The following CDH8 variants were observed in gnomAD, a reference collection of about 807,000 sequenced individuals.
CDH8 encodes the protein cadherin-8.
In CDH8, 17 loss-of-function variants were observed where a neutral mutation model predicts 68.1. The observed-to-expected ratio is 0.25, with a 90% CI of 0.17 to 0.37. The LOEUF (loss-of-function observed/expected upper bound fraction) is 0.37, where lower values mean the gene tolerates loss of function less well. Ranked by LOEUF, CDH8 falls within the 10% of genes least tolerant of loss-of-function variation. The pLI, the probability that CDH8 is intolerant of heterozygous loss-of-function variation, is 1.00. For synonymous variants in CDH8, 372 were observed against 365.1 expected (o/e 1.02, Z -0.21); for missense variants, 763 against 999.3 (o/e 0.76, Z 3.19).
Position 61,670,768 on chromosome 16 carries a change from T to C in CDH8, c.1655-15047A>G, listed in dbSNP as rs371744507. Reference sequence around the variant, plus strand: ...GCATTGAACCCTATATTTACTGTTTTTTTTTCTTTTATCTGATTACCTACA... The same window carrying C: ...GCATTGAACCCTATATTTACTGTTTCTTTTTCTTTTATCTGATTACCTACA... On this transcript the variant is annotated intron_variant, in intron 10 of 11. Coordinates refer to ENST00000577390, the MANE Select transcript of CDH8 (RefSeq NM_001796.5). Among the ~76,000 whole-genome samples the C allele has an allele frequency of 2.6e-3, 399 of 152,172 alleles. 3 individuals carry two copies. Among genetic ancestry groups the C allele is most frequent in the African/African-American group, 9.3e-3 (386 of 41,552 alleles).
chr16:61,666,200 G>T (rs1238169256), intron 10 of CDH8, among the ~76,000 whole-genome samples: 1 of 149,368 alleles, frequency 6.7e-6, no homozygotes, highest in African/African-American at 2.5e-5. Flanking sequence ...GTGTGTGTGT[G>T]TGTGTGTATA....
chr16:61,726,992 G>A (rs1294319467), intron 9 of CDH8, 102 bp downstream of exon 9: 9 of 1,229,272 alleles, frequency 7.3e-6, no homozygotes, highest in Non-Finnish European at 1.1e-5. Flanking sequence ...CTGAGACTTT[G>A]CAGATCATAA....
chr16:61,752,006 T>A (rs1596932423), intron 8 of CDH8, among the ~76,000 whole-genome samples: 1 of 152,276 alleles, frequency 6.6e-6, no homozygotes, highest in East Asian at 1.9e-4. Context: ...CTCCAGACAC[T>A]TTCCTAGATG....
At chr16:61,793,130 G>T (rs1375655929) in intron 7 of CDH8, among the ~76,000 whole-genome samples, 1 of 151,868 alleles carries the variant, frequency 6.6e-6, no homozygotes, top group Admixed American at 6.6e-5. Flanking sequence ...CCATTGTGAG[G>T]ACACAGTGAG....
chr16:61,959,548 G>C (rs1395511571), intron 2 of CDH8, among the ~76,000 whole-genome samples: 2 of 92,218 alleles, frequency 2.2e-5, no homozygotes, highest in Non-Finnish European at 2.2e-5. Flanking sequence ...CTCTCTGTGT[G>C]TGTGTGTGTG....
At chr16:61,749,414 C>T (rs973006796) in intron 8 of CDH8, among the ~76,000 whole-genome samples, 23 of 152,028 alleles carry the variant, frequency 1.5e-4, no homozygotes, top group African/African-American at 4.3e-4. Context: ...CCCAGGATTT[C>T]CTCTAGCAGT....
chr16:61,824,320 C>T (rs1962282533), intron 5 of CDH8, among the ~76,000 whole-genome samples: 1 of 151,860 alleles, frequency 6.6e-6, no homozygotes. Flanking sequence ...CTTGTTCCAA[C>T]TAATTGTTTT....
intron 2 of CDH8, among the ~76,000 whole-genome samples, chr16:61,954,173 C>G (rs1964945651): frequency 1.3e-5 from 2 of 151,794 alleles, no homozygotes. Flanking sequence ...CTTCCCATAT[C>G]TTGCTAAAAC....
intron 8 of CDH8, among the ~76,000 whole-genome samples, chr16:61,745,500 G>A (rs983857122): frequency 3.3e-5 from 5 of 150,922 alleles, no homozygotes; most frequent in Admixed American, 6.6e-5. Context: ...ATATACTTTC[G>A]CTTTACATAT....
chr16:61,876,343 A>G (rs1963459907), intron 3 of CDH8, among the ~76,000 whole-genome samples: 1 of 152,128 alleles, frequency 6.6e-6, no homozygotes, highest in Non-Finnish European at 1.5e-5. Context: ...TTCCAGACGG[A>G]CAATTTTACA....
intron 3 of CDH8, among the ~76,000 whole-genome samples, chr16:61,863,881 C>T (rs944689828): frequency 1.3e-5 from 2 of 152,182 alleles, no homozygotes; most frequent in Non-Finnish European, 2.9e-5. Flanking sequence ...CTTACTTAAA[C>T]ATTCATGCAT....
chr16:61,820,134 G>A (rs1567485357), intron 6 of CDH8, among the ~76,000 whole-genome samples: 2 of 151,884 alleles, frequency 1.3e-5, no homozygotes, highest in African/African-American at 4.8e-5. Flanking sequence ...TTGTTATGGA[G>A]ATCTTTCTTT....
At chr16:61,894,925 A>G (rs958907517) in intron 3 of CDH8, among the ~76,000 whole-genome samples, 2 of 152,050 alleles carry the variant, frequency 1.3e-5, no homozygotes, top group Non-Finnish European at 2.9e-5. Context: ...TGGAGCATGC[A>G]TTCCTCTTTT....
At chr16:61,906,770 G>C (rs1461226639) in intron 2 of CDH8, among the ~76,000 whole-genome samples, 1 of 152,116 alleles carries the variant, frequency 6.6e-6, no homozygotes, top group African/African-American at 2.4e-5. Flanking sequence ...ATTGTAAAAA[G>C]AAGACAAAGG....
intron 7 of CDH8, among the ~76,000 whole-genome samples, chr16:61,812,118 G>A (rs1961965997): frequency 6.6e-6 from 1 of 151,972 alleles, no homozygotes; most frequent in South Asian, 2.1e-4. Flanking sequence ...GAAATTGAGA[G>A]TTATTGCAAG....
chr16:61,885,318 C>T (rs577788729), intron 3 of CDH8, among the ~76,000 whole-genome samples: 2 of 152,302 alleles, frequency 1.3e-5, no homozygotes, highest in South Asian at 4.1e-4. Context: ...ATGCATTTTA[C>T]TGTATGGCTA....
At chr16:61,888,424 C>A (rs751019551) in intron 3 of CDH8, among the ~76,000 whole-genome samples, 8 of 152,250 alleles carry the variant, frequency 5.3e-5, no homozygotes, top group Admixed American at 2.6e-4. Flanking sequence ...GCACAGATTT[C>A]TCTCTCTGCT....
At chr16:61,994,154 A>G (rs1338939884) in intron 2 of CDH8, among the ~76,000 whole-genome samples, 1 of 152,128 alleles carries the variant, frequency 6.6e-6, no homozygotes, top group Non-Finnish European at 1.5e-5. Flanking sequence ...ACTGTTTGCC[A>G]TTTTTAAATT....
At chr16:61,899,574 G>A (rs1231676280) in intron 3 of CDH8, among the ~76,000 whole-genome samples, 1 of 151,946 alleles carries the variant, frequency 6.6e-6, no homozygotes, top group Admixed American at 6.6e-5. Context: ...TGAGAAAGAG[G>A]AAGAGGGATA....
Sources: gnomAD v4.1 joint callset for allele counts (sites outside exome capture counted in the v4.1 genomes callset) on GRCh38, gnomAD v4.1.1 for gene constraint, MANE v1.5 for transcripts, NCBI Gene and HGNC (gene_info 2026-07-23, HGNC 2026-07-21) for gene names.